Variants in SCOC observed in about 807,000 individuals in gnomAD.
The protein encoded by SCOC is short coiled-coil protein.
A neutral mutation model predicts 9.9 loss-of-function variants in SCOC; 7 were observed. That is an observed-to-expected ratio of 0.71 (90% CI 0.40 to 1.33). The LOEUF is 1.33. Among genes scored for constraint, SCOC ranks in the 40% most tolerant of loss-of-function variants. SCOC has a pLI of 0.01. For synonymous variants in SCOC, 19 were observed against 28.2 expected (o/e 0.67, Z 1.03); for missense variants, 66 against 89.7 (o/e 0.74, Z 1.07).
At chr4:140,301,777 T>G (rs1167250868) in intron 1 of SCOC, among the ~76,000 whole-genome samples, 1 of 152,212 alleles carries the variant, frequency 6.6e-6, no homozygotes, top group East Asian at 1.9e-4. Context: ...AATTACACAA[T>G]CACTTTTTCT....
chr4:140,260,586 C>G (rs992709210), intron 1 of SCOC, among the ~76,000 whole-genome samples: 42 of 152,192 alleles, frequency 2.8e-4, no homozygotes, highest in Admixed American at 6.5e-5. Context: ...CAGCTCTTCC[C>G]ATAACAGTTC....
intron 1 of SCOC, among the ~76,000 whole-genome samples, chr4:140,316,421 G>GTA (rs1732319598): frequency 6.6e-6 from 1 of 152,122 alleles, no homozygotes; most frequent in Non-Finnish European, 1.5e-5. Flanking sequence ...TTCAATCTAT[G>GTA]TATATAGCAT....
At chr4:140,296,471 A>C (rs1731639796) in intron 1 of SCOC, among the ~76,000 whole-genome samples, 1 of 152,176 alleles carries the variant, frequency 6.6e-6, no homozygotes, top group African/African-American at 2.4e-5. Context: ...TTATTTCCAG[A>C]TTTAATGAAT....
intron 1 of SCOC, among the ~76,000 whole-genome samples, chr4:140,269,485 C>T (rs35396147): frequency 0.15 from 22,138 of 151,888 alleles, 2,829 homozygotes; most frequent in African/African-American, 0.32. Flanking sequence ...AGGAGCTCAG[C>T]TTCAAGCCAT....
At chr4:140,348,859 T>C (rs186435837) in intron 2 of SCOC, among the ~76,000 whole-genome samples, 119 of 152,316 alleles carry the variant, frequency 7.8e-4, no homozygotes, top group Non-Finnish European at 1.3e-3. Context: ...GTTCTCCACA[T>C]CCTGGCCAAC....
intron 1 of SCOC, among the ~76,000 whole-genome samples, chr4:140,278,738 A>G (rs531612918): frequency 2.6e-5 from 4 of 152,262 alleles, no homozygotes; most frequent in Admixed American, 2.6e-4. Flanking sequence ...AGCAGGTGAG[A>G]TTCCCTTTTA....
At chr4:140,373,508 T>TTGGACGACTGGGG (rs1388012251), upstream of SCOC, 11 of 1,551,524 alleles carry the variant, frequency 7.1e-6, no homozygotes, top group African/African-American at 1.5e-4. Flanking sequence ...TGCTTTGAGA[T>TTGGACGACTGGGG]TGGACGACTG....
chr4:140,330,345 C>T (rs1732781057), intron 1 of SCOC, among the ~76,000 whole-genome samples: 1 of 152,024 alleles, frequency 6.6e-6, no homozygotes, highest in African/African-American at 2.4e-5. Flanking sequence ...GCTGGGTGCA[C>T]CAAAATCTCA....
intron 1 of SCOC, among the ~76,000 whole-genome samples, chr4:140,317,276 A>G (rs1253223163): frequency 2.0e-5 from 3 of 152,172 alleles, no homozygotes. Flanking sequence ...AACAAAGAAG[A>G]AGTAAAAACT....
intron 1 of SCOC, among the ~76,000 whole-genome samples, chr4:140,299,876 C>T (rs1193754218): frequency 6.6e-6 from 1 of 152,194 alleles, no homozygotes; most frequent in African/African-American, 2.4e-5. Context: ...GTCCTTTGTT[C>T]TCCACAGTCA....
chr4:140,334,077 A>T (rs1560705825), intron 1 of SCOC, among the ~76,000 whole-genome samples: 2 of 152,236 alleles, frequency 1.3e-5, no homozygotes, highest in East Asian at 3.9e-4. Flanking sequence ...CATCACGCCC[A>T]GCTAATTAAA....
intron 1 of SCOC, among the ~76,000 whole-genome samples, chr4:140,310,730 G>A (rs892957244): frequency 2.6e-5 from 4 of 152,170 alleles, no homozygotes; most frequent in African/African-American, 9.7e-5. Flanking sequence ...AGTTTCTCCA[G>A]GCTCATGGGA....
intron 1 of SCOC, among the ~76,000 whole-genome samples, chr4:140,305,783 C>A (rs1232524078): frequency 7.9e-5 from 12 of 152,044 alleles, no homozygotes; most frequent in Admixed American, 5.9e-4. Context: ...TCAGCTGGGG[C>A]AAAGATTCCA....
intron 2 of SCOC, chr4:140,366,537 A>G: frequency 6.3e-7 from 1 of 1,579,320 alleles, no homozygotes; most frequent in Non-Finnish European, 8.7e-7. Context: ...CTTTAAAATG[A>G]TCAAAATCTG....
intron 1 of SCOC, 140 bp from the exon 2 acceptor site, chr4:140,378,981 C>A (rs990807857): frequency 1.7e-6 from 1 of 602,570 alleles, no homozygotes; most frequent in African/African-American, 1.8e-5. Context: ...CTTATTTACC[C>A]ATTAGGCATT....
rs549982354 is a variant in SCOC at position 140,267,523 on chromosome 4, G to A, written c.-19+10113G>A. On this transcript the variant is annotated intron_variant, in intron 1 of 4. Transcript: ENST00000394205. ...CAAAGGGTTCTGACCCTTGTAGGTT[G>A]CTTTTCTAAGATCGGAGGATGATAG... Among the ~76,000 whole-genome samples the A allele has an allele frequency of 2.0e-5, 3 of 152,272 alleles. No homozygotes were observed. In the South Asian group the frequency reaches 6.2e-4, roughly 32 times the overall value.
chr4:140,362,313 T>TCTTCTTCCTCTTCCTCTTCCTC (rs1727594134), intron 2 of SCOC, among the ~76,000 whole-genome samples: 1 of 84,180 alleles, frequency 1.2e-5, no homozygotes, highest in African/African-American at 4.0e-5. Flanking sequence ...TTTTTTTTTT[T>TCTTCTTCCTCTTCCTCTTCCTC]TTGTGAGAGT....
chr4:140,373,766 C>A, intron 1 of SCOC, 49 bp downstream of exon 1: 1 of 1,514,804 alleles, frequency 6.6e-7, no homozygotes, highest in Non-Finnish European at 8.9e-7. Flanking sequence ...GCGACTAGAG[C>A]TGCATCCTCA....
At chr4:140,374,476 C>T (rs1488118614) in intron 1 of SCOC, among the ~76,000 whole-genome samples, 3 of 152,188 alleles carry the variant, frequency 2.0e-5, no homozygotes, top group African/African-American at 7.2e-5. Context: ...GTGTAGCTAG[C>T]CATTCTCTGA....
Sources: gnomAD v4.1 joint callset for allele counts (sites outside exome capture counted in the v4.1 genomes callset) on GRCh38, gnomAD v4.1.1 for gene constraint, MANE v1.5 for transcripts, NCBI Gene and HGNC (gene_info 2026-07-23, HGNC 2026-07-21) for gene names.